The following HDAC4 variants were observed in gnomAD, a reference collection of about 807,000 sequenced individuals.
The protein encoded by HDAC4 is histone deacetylase A.
Under a neutral mutation model 135.1 loss-of-function variants are expected in HDAC4, and 16 were observed. The ratio of observed to expected loss-of-function variants is 0.12; its 90% CI spans 0.08 to 0.18. The LOEUF is 0.18. Ranked by LOEUF, HDAC4 falls within the 10% of genes least tolerant of loss-of-function variation. The pLI, the probability that HDAC4 is intolerant of heterozygous loss-of-function variation, is 1.00. For synonymous variants in HDAC4, 685 were observed against 653.4 expected, an observed-to-expected ratio of 1.05 and a Z score of -0.74; for missense variants, 1,143 against 1,511.8, an observed-to-expected ratio of 0.76 and a Z score of 4.05.
At chr2:239,348,626 G>A (rs546772863) in intron 2 of HDAC4, among the ~76,000 whole-genome samples, 102 of 152,336 alleles carry the variant, frequency 6.7e-4, no homozygotes, top group African/African-American at 2.4e-3. Flanking sequence ...TTCATGCCAG[G>A]GACTCTGGCT....
chr2:239,105,865 G>GC (rs2038081219), intron 15 of HDAC4, among the ~76,000 whole-genome samples: 1 of 152,172 alleles, frequency 6.6e-6, no homozygotes, highest in Non-Finnish European at 1.5e-5. Context: ...GGCTGGCACT[G>GC]GAAGTCTGGT....
Position 239,309,884 on chromosome 2 carries a change from G to A in HDAC4, c.22+42794C>T, listed in dbSNP as rs904086014. ...CCCCTAGCAGAAGGGTGTTCTGGAA[G>A]CTGCCCCCTCCCATGCTGCTGCCTG... On this transcript the variant is annotated intron_variant, in intron 2 of 26. Transcript: ENST00000543185. The surrounding 1 kb of genome is among the most constrained non-coding windows in gnomAD (Gnocchi z 4.2). 4.6e-5 allele frequency among the ~76,000 whole-genome samples: 7 copies of A among 152,270 alleles called. No homozygotes were observed. Among genetic ancestry groups the A allele is most frequent in the Admixed American group, 4.6e-4 (7 of 15,290 alleles).
At chr2:239,312,422 C>A (rs1489291437) in intron 2 of HDAC4, among the ~76,000 whole-genome samples, 1 of 152,200 alleles carries the variant, frequency 6.6e-6, no homozygotes, top group Non-Finnish European at 1.5e-5. Flanking sequence ...CAGGAGCCCA[C>A]ACGCAGGGCA....
At chr2:239,062,047 C>T (rs1574865355) in intron 24 of HDAC4, among the ~76,000 whole-genome samples, 1 of 152,234 alleles carries the variant, frequency 6.6e-6, no homozygotes, top group African/African-American at 2.4e-5. Context: ...GGCTGGAGGC[C>T]CGACTCGGTG....
intron 2 of HDAC4, among the ~76,000 whole-genome samples, chr2:239,334,339 G>GT (rs1327093332): frequency 3.3e-5 from 5 of 152,112 alleles, no homozygotes; most frequent in African/African-American, 1.2e-4. Flanking sequence ...GATCAACATG[G>GT]TGACGCCCCG....
intron 3 of HDAC4, among the ~76,000 whole-genome samples, chr2:239,199,333 ATCACTGACTAGAT>A (rs1379782028): frequency 6.6e-6 from 1 of 152,218 alleles, no homozygotes; most frequent in African/African-American, 2.4e-5. Flanking sequence ...GCTCAAAATG[ATCACTGACTAGAT>A]TCTCTCATCA....
At chr2:239,076,501 G>A (rs1574928409) in intron 22 of HDAC4, among the ~76,000 whole-genome samples, 1 of 151,926 alleles carries the variant, frequency 6.6e-6, no homozygotes, top group Non-Finnish European at 1.5e-5. Context: ...CATTCCCCTA[G>A]TAGGACCCTA....
chr2:239,180,352 A>G (rs1024831530), intron 4 of HDAC4, among the ~76,000 whole-genome samples: 3 of 152,122 alleles, frequency 2.0e-5, no homozygotes, highest in Non-Finnish European at 2.9e-5. Flanking sequence ...CAGGGCATCA[A>G]TCCCGTTCCT....
intron 2 of HDAC4, among the ~76,000 whole-genome samples, chr2:239,320,849 C>T (rs2053284503): frequency 1.3e-5 from 2 of 152,106 alleles, no homozygotes; most frequent in Admixed American, 1.3e-4. Flanking sequence ...CAAATGATCC[C>T]CAACTTGTAA....
At chr2:239,225,958 G>A (rs193088481) in intron 3 of HDAC4, among the ~76,000 whole-genome samples, 33 of 152,258 alleles carry the variant, frequency 2.2e-4, no homozygotes, top group Non-Finnish European at 1.3e-4. Flanking sequence ...TTGGTACGGC[G>A]AAAACATGAC....
intron 3 of HDAC4, among the ~76,000 whole-genome samples, chr2:239,204,338 G>A (rs568710470): frequency 1.3e-5 from 2 of 152,318 alleles, no homozygotes; most frequent in East Asian, 1.9e-4. Context: ...GTGGTGACTC[G>A]GCCTGGGCTT....
At chr2:239,053,362 C>T (rs1185740062) in intron 26 of HDAC4, 98 bp downstream of exon 26, 1 of 1,497,716 alleles carries the variant, frequency 6.7e-7, no homozygotes, top group Non-Finnish European at 9.1e-7. Flanking sequence ...GTCTGTTGGG[C>T]AGGGCATGTG....
At chr2:239,276,583 G>A (rs542645777) in intron 2 of HDAC4, among the ~76,000 whole-genome samples, 4 of 152,298 alleles carry the variant, frequency 2.6e-5, no homozygotes, top group South Asian at 2.1e-4. Flanking sequence ...CCGATACACC[G>A]CAGACACCAT....
chr2:239,195,869 A>G (rs1003126164), intron 3 of HDAC4, among the ~76,000 whole-genome samples: 1 of 152,230 alleles, frequency 6.6e-6, no homozygotes, highest in African/African-American at 2.4e-5. Context: ...CTCAATCACA[A>G]ACAGAAAAAC....
rs1238682887 is a variant in HDAC4, at chr2:239,303,517, G to A, written c.22+49161C>T. On this transcript the variant is annotated intron_variant, in intron 2 of 26. Transcript: ENST00000543185. The surrounding 1 kb of genome is among the most constrained non-coding windows in gnomAD (Gnocchi z 5.1). Reference sequence around the variant, plus strand: ...TCCTCGATCTCCCCGCTCCTTTCTCGGGACAGCCTGTGGCTTGTTCTCCCT... The same window carrying A: ...TCCTCGATCTCCCCGCTCCTTTCTCAGGACAGCCTGTGGCTTGTTCTCCCT... Among the ~76,000 whole-genome samples, 5 of 152,068 alleles carry A rather than the reference G, an allele frequency of 3.3e-5. No individual in the cohort carries two copies. Among genetic ancestry groups the A allele is most frequent in the African/African-American group, 9.7e-5 (4 of 41,422 alleles).
At chr2:239,367,344 C>T (rs1694285899) in intron 1 of HDAC4, among the ~76,000 whole-genome samples, 1 of 152,164 alleles carries the variant, frequency 6.6e-6, no homozygotes, top group African/African-American at 2.4e-5. Context: ...TCTCTTCTCA[C>T]GACGCTTTGT....
At chr2:239,162,404 T>A (rs2042861689) in intron 6 of HDAC4, 1 of 452,614 alleles carries the variant, frequency 2.2e-6, no homozygotes, top group East Asian at 7.0e-5. Context: ...TGAACCACGA[T>A]CCACACTCCT....
At chr2:239,337,334 G>T (rs764108801) in intron 2 of HDAC4, among the ~76,000 whole-genome samples, 3 of 152,098 alleles carry the variant, frequency 2.0e-5, no homozygotes, top group Non-Finnish European at 4.4e-5. Context: ...TCCACTTTGA[G>T]AGAAACTCAC....
In HDAC4 at chr2:239,115,140, A is replaced by G. The variant is rs1402138710; in HGVS notation, c.1704T>C (p.Ile568=). 6.2e-7 allele frequency: 1 copy of G among 1,611,600 alleles called. No homozygotes were observed. The highest frequency in any genetic ancestry group is 8.5e-7 in the Non-Finnish European group (1 of 1,179,926). The change falls in exon 13 of 27, where the codon ATT becomes ATC. Residue 568 remains isoleucine (I), a synonymous_variant. Transcript: ENST00000543185. The surrounding 1 kb of genome is among the most constrained non-coding windows in gnomAD (Gnocchi z 6.3). ...GCTCTGCCTCTTCCTCATCGCTCTC[A>G]ATGGGCTCCTGCTTCACCTGCACGC... is the stretch of plus-strand genomic sequence containing the variant. ...QAGVQVKQEP[I]ESDEEEAEPP...
Sources: gnomAD v4.1 joint callset for allele counts (sites outside exome capture counted in the v4.1 genomes callset) on GRCh38, gnomAD v4.1.1 for gene constraint, Gnocchi (gnomAD v3.1) non-coding constraint, MANE v1.5 for transcripts, NCBI Gene and HGNC (gene_info 2026-07-23, HGNC 2026-07-21) for gene names.